COL19A1: variants seen among roughly 807,000 people sequenced by gnomAD.
The protein encoded by COL19A1 is collagen alpha-1(XIX) chain.
A neutral mutation model predicts 190.2 loss-of-function variants in COL19A1; 159 were observed. The observed-to-expected ratio is 0.84, with a 90% CI of 0.73 to 0.95. COL19A1 has a LOEUF of 0.95. Ranked by LOEUF, COL19A1 falls within the 40% of genes least tolerant of loss-of-function variation. The probability of loss-of-function intolerance (pLI) is 0.00; values close to 1 mark genes in which losing one functional copy is unlikely to be tolerated. For missense variants in COL19A1, 1,418 were observed against 1,431.9 expected, an observed-to-expected ratio of 0.99 and a Z score of 0.16; for synonymous variants, 509 against 458.9, an observed-to-expected ratio of 1.11 and a Z score of -1.39.
intron 34 of COL19A1, among the ~76,000 whole-genome samples, chr6:70,161,061 A>T (rs538023419): frequency 1.8e-4 from 27 of 152,286 alleles, no homozygotes; most frequent in African/African-American, 6.3e-4. Flanking sequence ...ATGTATCAGC[A>T]TCTTAAATCC....
At chr6:70,082,355 G>T (rs180884002) in intron 15 of COL19A1, among the ~76,000 whole-genome samples, 282 of 152,076 alleles carry the variant, frequency 1.9e-3, no homozygotes, top group Non-Finnish European at 8.8e-4. Context: ...AAATATCTTT[G>T]TTAAAATGAT....
intron 11 of COL19A1, among the ~76,000 whole-genome samples, chr6:70,023,238 ATTC>A (rs1296673671): frequency 1.3e-5 from 2 of 151,484 alleles, no homozygotes; most frequent in Non-Finnish European, 2.9e-5. Context: ...GGTTCAAGCA[ATTC>A]TTCTGCCTCA....
chr6:70,179,201 A>G lies in COL19A1; in HGVS notation c.2668-1111A>G, dbSNP rs1307982811. On this transcript the variant is annotated intron_variant, in intron 42 of 50. Transcript: ENST00000620364. The stretch of plus-strand genomic sequence containing the variant: ...GCCATTCAGCACCGTATCTCTACCT[A>G]TGGAGGGATCTCCTTCCGGAATTCT... 5.3e-5 allele frequency among the ~76,000 whole-genome samples: 8 copies of G among 152,104 alleles called. No individual in the cohort carries two copies. The East Asian group carries it at 7.7e-4, about 15-fold the overall frequency.
chr6:69,982,973 A>AAAATAAATAAAT (rs56922945), intron 11 of COL19A1, among the ~76,000 whole-genome samples: 84 of 132,622 alleles, frequency 6.3e-4, no homozygotes, highest in Admixed American at 2.2e-3. Context: ...CTCTGTCTCA[A>AAAATAAATAAAT]AAATAAATAA....
chr6:70,189,707 G>T (rs1285294416), intron 47 of COL19A1, among the ~76,000 whole-genome samples: 1 of 152,152 alleles, frequency 6.6e-6, no homozygotes, highest in East Asian at 1.9e-4. Context: ...TTATTTGCCT[G>T]CTTCCTTTTA....
chr6:70,202,204 T>A (rs1006091860), intron 49 of COL19A1, among the ~76,000 whole-genome samples: 5 of 152,182 alleles, frequency 3.3e-5, no homozygotes, highest in Admixed American at 2.6e-4. Context: ...CACTCATTCA[T>A]CCTGTCTGAT....
At chr6:70,039,743 G>A (rs1308364294) in intron 14 of COL19A1, among the ~76,000 whole-genome samples, 1 of 149,750 alleles carries the variant, frequency 6.7e-6, no homozygotes, top group African/African-American at 2.5e-5. Context: ...CCTTTATGAT[G>A]TTTTTGGGGA....
chr6:70,115,820 G>GTT (rs1562188351), intron 16 of COL19A1, among the ~76,000 whole-genome samples: 63 of 78,622 alleles, frequency 8.0e-4, no homozygotes, highest in African/African-American at 1.2e-3. Flanking sequence ...GTTTTTTGGT[G>GTT]TTTTGTTTTT....
intron 11 of COL19A1, among the ~76,000 whole-genome samples, chr6:70,022,267 C>T (rs1367177003): frequency 6.6e-6 from 1 of 152,130 alleles, no homozygotes; most frequent in African/African-American, 2.4e-5. Context: ...CAGAGGGATA[C>T]ACTTGGTTGA....
chr6:70,210,443 T>G lies in COL19A1; in HGVS notation c.*3169T>G, dbSNP rs1768120516. Among the ~76,000 whole-genome samples the G allele has an allele frequency of 6.6e-6, 1 of 152,208 alleles. No homozygotes were observed. ...TAAACTTTTCACTTTGTGAGCAAAG[T>G]AACCCCATAAGTTTATTTCCCTATT... On this transcript the variant is annotated 3_prime_UTR_variant, in exon 51 of 51. Transcript: ENST00000620364.
intron 15 of COL19A1, among the ~76,000 whole-genome samples, chr6:70,071,148 TTCAAACATGGGTG>T (rs1781524091): frequency 6.6e-6 from 1 of 152,108 alleles, no homozygotes; most frequent in Admixed American, 6.6e-5. Flanking sequence ...TATGGTGAGT[TTCAAACATGGGTG>T]TCACATTTAA....
chr6:70,149,940 A>G lies in COL19A1; in HGVS notation c.1983+36A>G, dbSNP rs1303203155. 1.2e-5 allele frequency: 20 copies of G among 1,613,432 alleles called. 1 individual carries two copies. In the Admixed American group the frequency reaches 3.2e-4, roughly 26 times the overall value. On this transcript the variant is annotated intron_variant, in intron 29 of 50. Coordinates refer to ENST00000620364, the MANE Select transcript of COL19A1 (RefSeq NM_001858.6). ...TCTTTATCTACCCTCCCCCATTTTA[A>G]TCTGCACCTGTGCCACGTGCAAAGA...
chr6:69,936,611 G>C (rs999828625), intron 7 of COL19A1, among the ~76,000 whole-genome samples, 174 bp from the exon 8 acceptor site: 2 of 152,092 alleles, frequency 1.3e-5, no homozygotes, highest in Non-Finnish European at 2.9e-5. Flanking sequence ...CATGGGCTCA[G>C]GCGGAAAGTG....
At chr6:70,165,761 C>A (rs1346151074) in intron 36 of COL19A1, among the ~76,000 whole-genome samples, 180 bp from the exon 37 acceptor site, 1 of 152,120 alleles carries the variant, frequency 6.6e-6, no homozygotes, top group Non-Finnish European at 1.5e-5. Flanking sequence ...ACCTGTCCTG[C>A]GGTCTAGAAA....
At chr6:70,157,258 T>G (rs1353958538) in intron 34 of COL19A1, among the ~76,000 whole-genome samples, 3 of 152,148 alleles carry the variant, frequency 2.0e-5, no homozygotes, top group African/African-American at 7.2e-5. Flanking sequence ...CTAGTTTACA[T>G]CAGCTGCTCA....
Position 69,906,373 on chromosome 6 carries a change from T to TTGATAGCTACTGGCTGTCTGGA in COL19A1, c.266+6036_266+6057dup, listed in dbSNP as rs1212483382. ...GTAAAGAGCCTTATCCCTTAGGCTC[T>TTGATAGCTACTGGCTGTCTGGA]TGATAGCTACTGGCTGTCTGGAATG... On this transcript the variant is annotated intron_variant, in intron 4 of 50. Transcript: ENST00000620364. Among the ~76,000 whole-genome samples, 3 of 152,160 alleles carry TTGATAGCTACTGGCTGTCTGGA rather than the reference T, an allele frequency of 2.0e-5. No individual in the cohort carries two copies. The East Asian group carries it at 5.8e-4, about 29-fold the overall frequency.
At chr6:70,027,111 T>C (rs1778770460) in intron 12 of COL19A1, among the ~76,000 whole-genome samples, 1 of 152,178 alleles carries the variant, frequency 6.6e-6, no homozygotes, top group Admixed American at 6.5e-5. Flanking sequence ...TTCAGAAATA[T>C]TGTCTTAGAA....
chr6:70,194,718 A>G (rs569471812), intron 48 of COL19A1, among the ~76,000 whole-genome samples: 2 of 152,244 alleles, frequency 1.3e-5, no homozygotes, highest in East Asian at 1.9e-4. Context: ...ACACTGTCCT[A>G]TTATGCTTGG....
intron 18 of COL19A1, among the ~76,000 whole-genome samples, chr6:70,130,646 G>A (rs1785465491): frequency 6.6e-6 from 1 of 152,258 alleles, no homozygotes; most frequent in Non-Finnish European, 1.5e-5. Context: ...TGTCCAGCCT[G>A]CAGTGGGCAG....
Sources: gnomAD v4.1 joint callset for allele counts (sites outside exome capture counted in the v4.1 genomes callset) on GRCh38, gnomAD v4.1.1 for gene constraint, MANE v1.5 for transcripts, NCBI Gene and HGNC (gene_info 2026-07-23, HGNC 2026-07-21) for gene names.